Variants in USP14 observed in about 807,000 individuals in gnomAD.
USP14 encodes the protein ubiquitin carboxyl-terminal hydrolase 14.
USP14 carries 38 observed loss-of-function variants against 76.5 expected under a neutral mutation model. That is an observed-to-expected ratio of 0.50 (90% CI 0.38 to 0.65). USP14 has a LOEUF of 0.65. Ranked by LOEUF, USP14 falls within the 30% of genes least tolerant of loss-of-function variation. The probability of loss-of-function intolerance (pLI) is 0.00; values close to 1 mark genes in which losing one functional copy is unlikely to be tolerated. For missense variants in USP14, 467 were observed against 586.5 expected (o/e 0.80, Z 2.10); for synonymous variants, 192 against 191.7 (o/e 1.00, Z -0.01).
chr18:190,539 C>T (rs1246917257), intron 5 of USP14, among the ~76,000 whole-genome samples: 1 of 152,066 alleles, frequency 6.6e-6, no homozygotes, highest in Non-Finnish European at 1.5e-5. Context: ...TATAAATGTA[C>T]TTTATTTCAC....
At position 171,025 on chromosome 18, in the gene USP14, A is replaced by AAATATATATATAT. The variant is rs1327304974; in HGVS notation, c.195+4207_195+4208insATATATATATATA. 1.9e-3 allele frequency among the ~76,000 whole-genome samples: 92 copies of AAATATATATATAT among 47,620 alleles called. 1 individual carries two copies. The highest frequency in any genetic ancestry group is 2.5e-3 in the Non-Finnish European group (68 of 26,714). 31.2% of individuals were successfully genotyped at this position (47,620 alleles called of 152,430 possible). A position where few individuals can be genotyped will look rare whatever the true frequency, so the allele number is the denominator to read the frequency against. On this transcript the variant is annotated intron_variant, in intron 3 of 15. Coordinates refer to ENST00000261601, the MANE Select transcript of USP14 (RefSeq NM_005151.4). ...CCTGGAACTTAAAAAAAAAAAAAAAAATATATATATATATATATATATATA... is the reference window on the plus strand; with the variant it reads ...CCTGGAACTTAAAAAAAAAAAAAAAAAATATATATATATATATATATATATATATATATATATA...
intron 3 of USP14, among the ~76,000 whole-genome samples, chr18:176,084 A>G (rs1022340855): frequency 2.6e-5 from 4 of 151,640 alleles, no homozygotes; most frequent in African/African-American, 7.3e-5. Context: ...CCTCTCTAGT[A>G]TTGGCAAATT....
intron 13 of USP14, among the ~76,000 whole-genome samples, chr18:205,398 C>T (rs1033275709): frequency 4.6e-5 from 7 of 152,100 alleles, no homozygotes; most frequent in African/African-American, 1.2e-4. Context: ...GCATTATTGC[C>T]ACAGGGCCAC....
chr18:165,615 A>G (rs1038469371), intron 2 of USP14, among the ~76,000 whole-genome samples: 2 of 152,184 alleles, frequency 1.3e-5, no homozygotes, highest in African/African-American at 4.8e-5. Flanking sequence ...CATATCTTAT[A>G]TATGAGGAAA....
intron 5 of USP14, among the ~76,000 whole-genome samples, chr18:185,750 A>C (rs1013938197): frequency 2.0e-5 from 3 of 151,736 alleles, no homozygotes; most frequent in African/African-American, 7.3e-5. Context: ...CAGGCTCTGG[A>C]GTGGCACGAT....
At chr18:189,640 G>A (rs960571762) in intron 5 of USP14, among the ~76,000 whole-genome samples, 1 of 152,054 alleles carries the variant, frequency 6.6e-6, no homozygotes, top group Admixed American at 6.5e-5. Context: ...GTGTCACAAC[G>A]CCCAGCTAGT....
intron 5 of USP14, among the ~76,000 whole-genome samples, chr18:187,383 A>G (rs1598272858): frequency 6.6e-6 from 1 of 152,072 alleles, no homozygotes; most frequent in East Asian, 1.9e-4. Context: ...GTATTACTGG[A>G]TAGTTTGATC....
chr18:194,502 T>C (rs1337084996), intron 6 of USP14, among the ~76,000 whole-genome samples: 1 of 152,226 alleles, frequency 6.6e-6, no homozygotes, highest in African/African-American at 2.4e-5. Flanking sequence ...TTTAGTCGCA[T>C]TTGGTTTCTC....
intron 3 of USP14, among the ~76,000 whole-genome samples, chr18:167,501 G>T (rs900181895): frequency 6.6e-6 from 1 of 151,560 alleles, no homozygotes; most frequent in African/African-American, 2.4e-5. Flanking sequence ...AAACATAGAG[G>T]TTTTGCATGA....
intron 3 of USP14, among the ~76,000 whole-genome samples, chr18:175,430 G>A (rs1038110323): frequency 1.3e-5 from 2 of 152,126 alleles, no homozygotes; most frequent in Non-Finnish European, 2.9e-5. Flanking sequence ...TTTCTAGTTT[G>A]CTGAGAGGTT....
intron 3 of USP14, among the ~76,000 whole-genome samples, chr18:173,019 G>A (rs758386531): frequency 1.3e-5 from 2 of 151,408 alleles, no homozygotes; most frequent in African/African-American, 4.8e-5. Flanking sequence ...AGAAATCTTC[G>A]CCTGTGCCAA....
chr18:179,257 A>G (rs1375653428), intron 4 of USP14, among the ~76,000 whole-genome samples: 1 of 151,980 alleles, frequency 6.6e-6, no homozygotes. Flanking sequence ...TTTGTATTGT[A>G]CACCTTACTA....
chr18:194,484 T>C (rs1910176684), intron 6 of USP14, among the ~76,000 whole-genome samples: 1 of 152,248 alleles, frequency 6.6e-6, no homozygotes, highest in African/African-American at 2.4e-5. Context: ...ATTCACCAGT[T>C]ACTAACTTTT....
chr18:211,096 C>CAT, intron 15 of USP14, 37 bp from the exon 16 acceptor site: 1 of 1,594,292 alleles, frequency 6.3e-7, no homozygotes, highest in Non-Finnish European at 8.6e-7. Context: ...ACGAATCCTG[C>CAT]ATAACATTAA....
Position 196,702 on chromosome 18 carries a change from C to T in USP14, c.529C>T (p.Gln177Ter). 2.5e-6 allele frequency: 4 copies of T among 1,613,988 alleles called. No homozygotes were observed. The highest frequency in any genetic ancestry group is 3.4e-6 in the Non-Finnish European group (4 of 1,179,968). Residue 177 changes from glutamine to a stop codon, truncating the protein, a stop_gained, in exon 7 of 16, where the codon CAG (glutamine) becomes TAG (stop). Transcript: ENST00000261601. LOFTEE classifies it high-confidence loss of function. ...SSSIPPIILLQFLHMAFPQFA... is the reference protein window; with the variant it reads ...SSSIPPIILL Reference sequence around the variant, plus strand: ...CAGTATTCCACCTATTATTCTACTGCAGTTTTTGCACATGGCTTTCCCACA... The same window carrying T: ...CAGTATTCCACCTATTATTCTACTGTAGTTTTTGCACATGGCTTTCCCACA...
At chr18:165,375 C>A (rs1029357690) in intron 2 of USP14, among the ~76,000 whole-genome samples, 13 of 152,290 alleles carry the variant, frequency 8.5e-5, no homozygotes, top group Non-Finnish European at 1.6e-4. Context: ...GTAAAACACA[C>A]GTTGGAGGAA....
intron 10 of USP14, among the ~76,000 whole-genome samples, chr18:202,037 CTT>C (rs1910397150): frequency 6.6e-6 from 1 of 152,164 alleles, no homozygotes; most frequent in South Asian, 2.1e-4. Context: ...AAAAATCAGA[CTT>C]TAAAATTATA....
intron 9 of USP14, 34 bp downstream of exon 9, chr18:198,166 A>G: frequency 6.6e-7 from 1 of 1,515,268 alleles, no homozygotes; most frequent in South Asian, 1.3e-5. Flanking sequence ...GACTATACTC[A>G]TACCTTATTA....
Position 211,122 on chromosome 18 carries a change from C to A in USP14, c.1334-11C>A. ...ATAACATTAATTCATCTTCTTGTCC[C>A]TGTTATTTAGATGAATGGATTAAGT... On this transcript the variant is annotated splice_polypyrimidine_tract_variant and intron_variant, in intron 15 of 15. Transcript: ENST00000261601. 6.2e-7 allele frequency: 1 copy of A among 1,607,702 alleles called. No homozygotes were observed. The highest frequency in any genetic ancestry group is 1.3e-5 in the African/African-American group (1 of 74,828).
Sources: allele counts gnomAD v4.1 joint callset (sites outside exome capture counted in the v4.1 genomes callset), GRCh38; gene constraint gnomAD v4.1.1; transcripts MANE v1.5; gene names NCBI Gene and HGNC (gene_info 2026-07-23, HGNC 2026-07-21).